Variants in DMXL2 observed in about 807,000 individuals in gnomAD.
DMXL2 encodes dmX-like protein 2.
A neutral mutation model predicts 331.1 loss-of-function variants in DMXL2; 103 were observed. That is an observed-to-expected ratio of 0.31 (90% CI 0.27 to 0.37). The LOEUF is 0.37. Ranked by LOEUF, DMXL2 falls within the 10% of genes least tolerant of loss-of-function variation. The probability of loss-of-function intolerance (pLI) is 1.00; values close to 1 mark genes in which losing one functional copy is unlikely to be tolerated. For synonymous variants in DMXL2, 1,281 were observed against 1,252.1 expected, an observed-to-expected ratio of 1.02 and a Z score of -0.49; for missense variants, 3,171 against 3,642.9, an observed-to-expected ratio of 0.87 and a Z score of 3.33.
intron 1 of DMXL2, among the ~76,000 whole-genome samples, chr15:51,614,274 A>G (rs1456606020): frequency 2.6e-5 from 4 of 151,906 alleles, no homozygotes; most frequent in African/African-American, 7.3e-5. Context: ...AACTGTGAGG[A>G]AAAAAAATCT....
intron 14 of DMXL2, among the ~76,000 whole-genome samples, chr15:51,514,832 A>G (rs971106625): frequency 6.6e-6 from 1 of 151,950 alleles, no homozygotes; most frequent in Non-Finnish European, 1.5e-5. Flanking sequence ...AGGAAAAAAA[A>G]AAAAAAAAAG....
chr15:51,581,324 C>T (rs2051401061), intron 1 of DMXL2, among the ~76,000 whole-genome samples: 1 of 152,154 alleles, frequency 6.6e-6, no homozygotes, highest in Admixed American at 6.5e-5. Flanking sequence ...TCTCCTTCAC[C>T]CCTCGCTGTA....
At chr15:51,601,290 C>CAGAAAAAAAA (rs561726420) in intron 1 of DMXL2, among the ~76,000 whole-genome samples, 2 of 96,594 alleles carry the variant, frequency 2.1e-5, no homozygotes, top group Non-Finnish European at 4.1e-5. Context: ...GACTCCATCT[C>CAGAAAAAAAA]AAAAAAAAAA....
In DMXL2 at chr15:51,478,259, ATT is replaced by A. The variant is rs11291027; in HGVS notation, c.6833+10_6833+11del. 20 of 1,594,958 alleles carry A rather than the reference ATT, an allele frequency of 1.3e-5. No homozygotes were observed. The highest frequency in any genetic ancestry group is 5.4e-5 in the African/African-American group (4 of 74,274). On this transcript the variant is annotated intron_variant, in intron 26 of 43. Coordinates refer to ENST00000560891, the MANE Select transcript of DMXL2 (RefSeq NM_001378457.1). The stretch of plus-strand genomic sequence containing the variant: ...TGCTGTATTAATACTATTTTGGGTG[ATT>A]TTTTTTTACCTGTAGCTATGACTGT...
In DMXL2 at chr15:51,545,765, C is replaced by T. The variant is rs1443260908; in HGVS notation, c.748G>A (p.Gly250Ser). 2 of 1,600,804 alleles carry T rather than the reference C, an allele frequency of 1.2e-6. No individual in the cohort carries two copies. Among genetic ancestry groups the T allele is most frequent in the South Asian group, 2.2e-5 (2 of 89,592 alleles). The change falls in exon 8 of 44, where the codon GGT becomes AGT. Residue 250 changes from glycine to serine, a missense_variant and splice_region_variant. Gly to Ser is a moderately conservative substitution (Grantham distance 56). Coordinates refer to ENST00000560891, the MANE Select transcript of DMXL2 (RefSeq NM_001378457.1). ...WRKTSKYMPRGSVCNVLLTSC... is the reference protein window; with the variant it reads ...WRKTSKYMPRSSVCNVLLTSC... ...GTTAACAACACATTACAGACAGAAC[C>T]CCTAACAACAAAGAGAAATAAATAA...
intron 4 of DMXL2, among the ~76,000 whole-genome samples, chr15:51,564,572 G>A (rs1261666979): frequency 6.6e-6 from 1 of 151,930 alleles, no homozygotes; most frequent in Non-Finnish European, 1.5e-5. Context: ...CCAAAACTCT[G>A]ATATATACCA....
At chr15:51,606,874 T>C (rs1284819538) in intron 1 of DMXL2, among the ~76,000 whole-genome samples, 2 of 152,172 alleles carry the variant, frequency 1.3e-5, no homozygotes, top group African/African-American at 4.8e-5. Flanking sequence ...ATAGAAAACA[T>C]GGGGCCGGGC....
chr15:51,600,567 T>C (rs1425728110), intron 1 of DMXL2, among the ~76,000 whole-genome samples: 2 of 152,200 alleles, frequency 1.3e-5, no homozygotes, highest in African/African-American at 4.8e-5. Flanking sequence ...TGTGCTACTT[T>C]CTCTTCTCTC....
At chr15:51,491,539 T>G in intron 20 of DMXL2, 39 bp downstream of exon 20, 6 of 1,554,930 alleles carry the variant, frequency 3.9e-6, no homozygotes, top group Non-Finnish European at 5.2e-6. Context: ...AGGAAAAGGT[T>G]TTTTTAATAT....
chr15:51,577,619 T>C (rs1181705786), intron 1 of DMXL2, among the ~76,000 whole-genome samples: 3 of 152,256 alleles, frequency 2.0e-5, no homozygotes, highest in South Asian at 4.1e-4. Flanking sequence ...GCAGAAGAAA[T>C]GTTTGGATCA....
At chr15:51,471,070 G>T (rs1340034968) in intron 29 of DMXL2, among the ~76,000 whole-genome samples, 153 bp downstream of exon 29, 1 of 152,108 alleles carries the variant, frequency 6.6e-6, no homozygotes, top group African/African-American at 2.4e-5. Flanking sequence ...AATTTACTAT[G>T]ACTATTCAGT....
chr15:51,534,576 A>G (rs2048183127), intron 13 of DMXL2, among the ~76,000 whole-genome samples: 1 of 152,208 alleles, frequency 6.6e-6, no homozygotes, highest in South Asian at 2.1e-4. Flanking sequence ...AGGGGAATAA[A>G]GCATCAGATG....
At chr15:51,592,779 G>T (rs931461242) in intron 1 of DMXL2, among the ~76,000 whole-genome samples, 1 of 114,950 alleles carries the variant, frequency 8.7e-6, no homozygotes, top group Non-Finnish European at 2.0e-5. Flanking sequence ...TTAAAGAAAA[G>T]AATTTTCACC....
intron 1 of DMXL2, among the ~76,000 whole-genome samples, chr15:51,592,041 C>T (rs2052394095): frequency 6.6e-6 from 1 of 152,156 alleles, no homozygotes; most frequent in Non-Finnish European, 1.5e-5. Context: ...AGCTCCTCAT[C>T]AGCAACGGAA....
At position 51,448,843 on chromosome 15, in the gene DMXL2, A is replaced by G. The variant is rs2038887170; in HGVS notation, c.*141T>C. 2 of 817,554 alleles carry G rather than the reference A, an allele frequency of 2.4e-6. No individual in the cohort carries two copies. Among genetic ancestry groups the G allele is most frequent in the Non-Finnish European group, 1.9e-6 (1 of 521,374 alleles). The allele number at this position is 817,554 out of a possible 1,614,324, so 50.6% of individuals were successfully genotyped here. A position where few individuals can be genotyped will look rare whatever the true frequency, so the allele number is the denominator to read the frequency against. ...GCATTCATTCCACCAACCTGTTTAG[A>G]TAATACTCAGCTTGGGTCATATTCA... On this transcript the variant is annotated 3_prime_UTR_variant, in exon 44 of 44. Coordinates refer to ENST00000560891, the MANE Select transcript of DMXL2 (RefSeq NM_001378457.1).
intron 13 of DMXL2, among the ~76,000 whole-genome samples, chr15:51,518,596 C>T (rs2047169021): frequency 6.6e-6 from 1 of 152,180 alleles, no homozygotes; most frequent in Non-Finnish European, 1.5e-5. Flanking sequence ...TTAAGAAGGA[C>T]TGCTGTAGAT....
intron 15 of DMXL2, 143 bp downstream of exon 15, chr15:51,514,299 A>T (rs1041782290): frequency 1.8e-6 from 1 of 556,628 alleles, no homozygotes; most frequent in African/African-American, 2.0e-5. Flanking sequence ...TTCATCTACA[A>T]GCAAGCAATT....
chr15:51,611,112 A>AT (rs2053939470), intron 1 of DMXL2, among the ~76,000 whole-genome samples: 1 of 152,084 alleles, frequency 6.6e-6, no homozygotes. Context: ...AAGAAAGGAA[A>AT]TAATAAATTA....
At chr15:51,609,344 TTGTC>T (rs2053800788) in intron 1 of DMXL2, among the ~76,000 whole-genome samples, 10 of 152,154 alleles carry the variant, frequency 6.6e-5, no homozygotes, top group Admixed American at 6.5e-4. Flanking sequence ...AACACAGAAA[TTGTC>T]AGGCTGTATT....
Sources: gnomAD v4.1 joint callset for allele counts (sites outside exome capture counted in the v4.1 genomes callset) on GRCh38, gnomAD v4.1.1 for gene constraint, MANE v1.5 for transcripts, NCBI Gene and HGNC (gene_info 2026-07-23, HGNC 2026-07-21) for gene names.